The following WDR41 variants were observed in gnomAD, a reference collection of about 807,000 sequenced individuals.
WDR41 encodes the protein WD repeat-containing protein 41.
WDR41 carries 63 observed loss-of-function variants against 69.3 expected under a neutral mutation model. The observed-to-expected ratio is 0.91, with a 90% CI of 0.74 to 1.12. WDR41 has a LOEUF of 1.12. WDR41 is among the 50% of genes most tolerant of loss of function. WDR41 has a pLI of 0.00. For synonymous variants in WDR41, 185 were observed against 192.1 expected (o/e 0.96, Z 0.31); for missense variants, 543 against 534.5 (o/e 1.02, Z -0.16).
chr5:77,468,712 A>C (rs1800415852), intron 2 of WDR41, among the ~76,000 whole-genome samples: 1 of 152,168 alleles, frequency 6.6e-6, no homozygotes, highest in South Asian at 2.1e-4. Flanking sequence ...GAAAAAATAA[A>C]AATCTTAATA....
At chr5:77,434,358 A>G (rs1798855800) in intron 12 of WDR41, among the ~76,000 whole-genome samples, 1 of 152,066 alleles carries the variant, frequency 6.6e-6, no homozygotes, top group Non-Finnish European at 1.5e-5. Flanking sequence ...TACATTTCTG[A>G]AGACCACAGG....
intron 1 of WDR41, among the ~76,000 whole-genome samples, chr5:77,619,541 C>T (rs115859268): frequency 0.013 from 1,961 of 152,120 alleles, 47 homozygotes; most frequent in African/African-American, 0.045. Flanking sequence ...TGCTGCTTCT[C>T]CCCAGACCTG....
intron 1 of WDR41, among the ~76,000 whole-genome samples, chr5:77,568,359 G>A (rs76798481): frequency 0.025 from 3,811 of 152,214 alleles, 144 homozygotes; most frequent in African/African-American, 0.083. Context: ...TTCACTGTGC[G>A]GCTGTAAAGG....
chr5:77,555,597 AC>A (rs1473916905), intron 1 of WDR41, among the ~76,000 whole-genome samples: 2 of 152,100 alleles, frequency 1.3e-5, no homozygotes, highest in African/African-American at 4.8e-5. Context: ...GGTGTGAGCC[AC>A]CCCGCCTAGC....
At chr5:77,435,833 A>G (rs543637985) in intron 12 of WDR41, among the ~76,000 whole-genome samples, 1 of 152,220 alleles carries the variant, frequency 6.6e-6, no homozygotes, top group Non-Finnish European at 1.5e-5. Flanking sequence ...CTAACAAACT[A>G]TTATCCTTCA....
chr5:77,473,138 C>T lies in WDR41; in HGVS notation c.168-8329G>A, dbSNP rs1268555034. ...AGAACAGAGCCCTCAGAAATAACGCCGCATATCTACAACCATCTGATCTTT... is the reference window on the plus strand; with the variant it reads ...AGAACAGAGCCCTCAGAAATAACGCTGCATATCTACAACCATCTGATCTTT... On this transcript the variant is annotated intron_variant, in intron 2 of 12. Transcript: ENST00000296679. Among the ~76,000 whole-genome samples, 3 of 152,084 alleles carry T rather than the reference C, an allele frequency of 2.0e-5. No individual in the cohort carries two copies. The East Asian group carries it at 5.8e-4, about 29-fold the overall frequency.
intron 12 of WDR41, among the ~76,000 whole-genome samples, chr5:77,435,355 C>A (rs1222703788): frequency 2.0e-5 from 3 of 152,178 alleles, no homozygotes; most frequent in Non-Finnish European, 4.4e-5. Flanking sequence ...TTACTTGGGT[C>A]CATCAAATGC....
intron 2 of WDR41, among the ~76,000 whole-genome samples, chr5:77,478,398 T>C (rs1465951625): frequency 6.6e-6 from 1 of 152,160 alleles, no homozygotes; most frequent in Non-Finnish European, 1.5e-5. Flanking sequence ...ACCAATATCC[T>C]TGATGAACAC....
At chr5:77,606,467 A>T (rs115200083) in intron 1 of WDR41, among the ~76,000 whole-genome samples, 1 of 152,314 alleles carries the variant, frequency 6.6e-6, no homozygotes, top group African/African-American at 2.4e-5. Context: ...ACTCAAATGG[A>T]TACAGGAACA....
chr5:77,580,840 C>T (rs1300138756), intron 1 of WDR41, among the ~76,000 whole-genome samples: 2 of 151,794 alleles, frequency 1.3e-5, no homozygotes, highest in South Asian at 2.1e-4. Context: ...CCTGTATTCC[C>T]AGCTACTTGG....
intron 12 of WDR41, among the ~76,000 whole-genome samples, chr5:77,434,282 A>T (rs335626): frequency 6.6e-6 from 1 of 151,914 alleles, no homozygotes; most frequent in Non-Finnish European, 1.5e-5. Flanking sequence ...TTGTACTCCA[A>T]CCTGGGCAAC....
At chr5:77,445,132 C>T (rs987167151) in intron 8 of WDR41, among the ~76,000 whole-genome samples, 43 of 152,118 alleles carry the variant, frequency 2.8e-4, no homozygotes, top group Admixed American at 5.9e-4. Flanking sequence ...TACAAACTAC[C>T]ATCAGATAAT....
At position 77,615,687 on chromosome 5, in the gene WDR41, CAAAAA is replaced by C. The variant is rs10695519; in HGVS notation, c.42+4787_42+4791del. On this transcript the variant is annotated intron_variant, in intron 1 of 5. Transcript: ENST00000509971. Reference sequence around the variant, plus strand: ...CTCAGTTTTTAAAATTACTGCAAGTCAAAAAAAAAAAAAAAAAAAAGGCCAGGTGT... The same window carrying C: ...CTCAGTTTTTAAAATTACTGCAAGTCAAAAAAAAAAAAAAAGGCCAGGTGT... Among the ~76,000 whole-genome samples the C allele has an allele frequency of 1.6e-4, 13 of 79,386 alleles. No homozygotes were observed. In the East Asian group the frequency reaches 2.2e-3, roughly 14 times the overall value. The allele number at this position is 79,386 out of a possible 152,430, so 52.1% of individuals were successfully genotyped here. A position where few individuals can be genotyped will look rare whatever the true frequency, so the allele number is the denominator to read the frequency against.
intron 1 of WDR41, chr5:77,491,924 C>T (rs1378809904): frequency 7.7e-6 from 4 of 520,394 alleles, no homozygotes; most frequent in Admixed American, 3.6e-5. Flanking sequence ...CACGATTCAG[C>T]TAGCCGTGGG....
chr5:77,541,619 T>C (rs1432919171), intron 1 of WDR41, among the ~76,000 whole-genome samples: 1 of 151,298 alleles, frequency 6.6e-6, no homozygotes, highest in Non-Finnish European at 1.5e-5. Context: ...CAGCCTCCTG[T>C]GTAGCTGGAA....
intron 1 of WDR41, among the ~76,000 whole-genome samples, chr5:77,522,173 G>A (rs1007089358): frequency 1.1e-4 from 17 of 152,192 alleles, no homozygotes; most frequent in Admixed American, 5.9e-4. Flanking sequence ...CTGTGAGGAC[G>A]CCGTCCAGGC....
intron 5 of WDR41, among the ~76,000 whole-genome samples, chr5:77,454,395 C>G (rs1049067799): frequency 3.3e-5 from 5 of 152,136 alleles, no homozygotes; most frequent in Non-Finnish European, 7.3e-5. Flanking sequence ...CTCTCTAGTC[C>G]TAATCACAAA....
chr5:77,569,232 G>A (rs1044366283), intron 1 of WDR41, among the ~76,000 whole-genome samples: 1 of 151,906 alleles, frequency 6.6e-6, no homozygotes, highest in Non-Finnish European at 1.5e-5. Context: ...ATCTTTCAAG[G>A]AGCCAAAAAA....
At chr5:77,437,703 GTC>G (rs1411739248) in intron 10 of WDR41, among the ~76,000 whole-genome samples, 1 of 152,132 alleles carries the variant, frequency 6.6e-6, no homozygotes, top group African/African-American at 2.4e-5. Flanking sequence ...ACTTCACAAT[GTC>G]CTAAGCAGCC....
Sources: gnomAD v4.1 joint callset for allele counts (sites outside exome capture counted in the v4.1 genomes callset) on GRCh38, gnomAD v4.1.1 for gene constraint, MANE v1.5 for transcripts, NCBI Gene and HGNC (gene_info 2026-07-23, HGNC 2026-07-21) for gene names.